DZIP1L: variants seen among roughly 807,000 people sequenced by gnomAD.
DZIP1L encodes cilium assembly protein DZIP1L.
A neutral mutation model predicts 88.7 loss-of-function variants in DZIP1L; 90 were observed. The ratio of observed to expected loss-of-function variants is 1.02; its 90% CI spans 0.86 to 1.21. The LOEUF (loss-of-function observed/expected upper bound fraction) is 1.21. DZIP1L is among the 50% of genes most tolerant of loss of function. The pLI, the probability that DZIP1L is intolerant of heterozygous loss-of-function variation, is 0.00. For missense variants in DZIP1L, 932 were observed against 955.8 expected, an observed-to-expected ratio of 0.98 and a Z score of 0.33; for synonymous variants, 363 against 372.1, an observed-to-expected ratio of 0.98 and a Z score of 0.28.
At position 138,064,508 on chromosome 3, in the gene DZIP1L, C is replaced by T. The variant is rs561974708; in HGVS notation, c.2142+120G>A. ...GGCAGAGGGAGGTCACCCACAATGT[C>T]CCACTAGGGCAAAGGATGACACTTG... On this transcript the variant is annotated intron_variant, in intron 15 of 15. Coordinates refer to ENST00000327532, the MANE Select transcript of DZIP1L (RefSeq NM_173543.3). 4.3e-6 allele frequency: 7 copies of T among 1,612,258 alleles called. No individual in the cohort carries two copies. In the East Asian group the frequency reaches 6.7e-5, roughly 15 times the overall value.
In DZIP1L at chr3:138,080,338, T is replaced by A. The variant is rs183036215; in HGVS notation, c.1288+229A>T. The A allele has an allele frequency of 4.2e-5, 18 of 424,282 alleles. No homozygotes were observed. The Admixed American group carries it at 5.2e-4, about 12-fold the overall frequency. The allele number at this position is 424,282 out of a possible 1,614,324, so 26.3% of individuals were successfully genotyped here. Reference sequence around the variant, plus strand: ...GTGACTCTGGACAAGCTAATGACCCTCTCTAGGCCTGGGCTTCCCCATCAC... The same window carrying A: ...GTGACTCTGGACAAGCTAATGACCCACTCTAGGCCTGGGCTTCCCCATCAC... On this transcript the variant is annotated intron_variant, in intron 10 of 15. Coordinates refer to ENST00000327532, the MANE Select transcript of DZIP1L (RefSeq NM_173543.3).
chr3:138,084,357 T>A, intron 7 of DZIP1L, 104 bp from the exon 8 acceptor site: 4 of 1,439,030 alleles, frequency 2.8e-6, no homozygotes, highest in Non-Finnish European at 3.7e-6. Context: ...GCAAGCACAG[T>A]AAAGGATTTT....
intron 12 of DZIP1L, among the ~76,000 whole-genome samples, chr3:138,069,490 C>G (rs995531769): frequency 6.6e-5 from 10 of 152,120 alleles, no homozygotes; most frequent in African/African-American, 1.9e-4. Flanking sequence ...CTATGCACTG[C>G]TCTCAGTGAA....
chr3:138,070,825 T>C (rs1267261725), intron 12 of DZIP1L, among the ~76,000 whole-genome samples: 1 of 152,162 alleles, frequency 6.6e-6, no homozygotes, highest in African/African-American at 2.4e-5. Context: ...GGACAGCACC[T>C]GCATGAGCAG....
Position 138,076,251 on chromosome 3 carries a change from ATCAAAAAT to A in DZIP1L, c.1422+1240_1422+1247del, listed in dbSNP as rs551305525. Among the ~76,000 whole-genome samples the A allele has an allele frequency of 1.6e-3, 238 of 152,314 alleles. 2 individuals carry two copies. The highest frequency in any genetic ancestry group is 2.8e-3 in the Admixed American group (43 of 15,304). On this transcript the variant is annotated intron_variant, in intron 11 of 15. Coordinates refer to ENST00000327532, the MANE Select transcript of DZIP1L (RefSeq NM_173543.3). ...CTACAAGAATGGCCATAATCAAAAAATCAAAAATTAATAGACGTTGACATGGATGTGGT... is the reference window on the plus strand; with the variant it reads ...CTACAAGAATGGCCATAATCAAAAAATAATAGACGTTGACATGGATGTGGT...
At chr3:138,109,159 C>T (rs1000266600) in intron 1 of DZIP1L, among the ~76,000 whole-genome samples, 15 of 152,356 alleles carry the variant, frequency 9.8e-5, no homozygotes, top group Admixed American at 5.9e-4. Flanking sequence ...AAAAGTACCT[C>T]TCTAGCTGCA....
chr3:138,073,773 G>A (rs1296582206), intron 11 of DZIP1L, among the ~76,000 whole-genome samples: 1 of 151,938 alleles, frequency 6.6e-6, no homozygotes, highest in Non-Finnish European at 1.5e-5. Flanking sequence ...ATCAAGGAGG[G>A]ACCAAAGAAA....
In DZIP1L at chr3:138,064,747, CCATCGACTG is replaced by C; in HGVS notation, c.2014_2022del (p.Gln672_Met674del). 6.3e-7 allele frequency: 1 copy of C among 1,592,330 alleles called. No individual in the cohort carries two copies. The highest frequency in any genetic ancestry group is 8.5e-7 in the Non-Finnish European group (1 of 1,171,196). On this transcript the variant is annotated inframe_deletion, in exon 15 of 16. Transcript: ENST00000327532. ...TCTAGCTGCTTCTCCAGGTTTTTGA[CCATCGACTG>C]CACCAGTGTTCCTGGAAGGTGAAAA... is the stretch of plus-strand genomic sequence containing the variant.
intron 1 of DZIP1L, among the ~76,000 whole-genome samples, chr3:138,105,704 T>C (rs932285005): frequency 3.9e-5 from 6 of 152,156 alleles, no homozygotes; most frequent in African/African-American, 1.4e-4. Context: ...TGGATGCAGA[T>C]CCACAGATAT....
Position 138,084,191 on chromosome 3 carries a change from G to A in DZIP1L, c.1125C>T (p.Ala375=). Residue 375 remains alanine (A), a synonymous_variant, in exon 8 of 16, where the codon GCC becomes GCT. Transcript: ENST00000327532. Reference sequence around the variant, plus strand: ...GGGTGCTGATCTGGCACTGGGACTGGGCAGCTGCCTTCTTCTGATCCTGAG... The same window carrying A: ...GGGTGCTGATCTGGCACTGGGACTGAGCAGCTGCCTTCTTCTGATCCTGAG... The part of the protein sequence containing the change: ...SLSQDQKKAA[A]QSQCQISTLR... 1 of 1,614,196 alleles carries A rather than the reference G, an allele frequency of 6.2e-7. No homozygotes were observed. Among genetic ancestry groups the A allele is most frequent in the Non-Finnish European group, 8.5e-7 (1 of 1,180,014 alleles).
At position 138,062,782 on chromosome 3, in the gene DZIP1L, GCTAACCCT is replaced by G; in HGVS notation, c.*26_*33del. 6.2e-7 allele frequency: 1 copy of G among 1,611,718 alleles called. No homozygotes were observed. Among genetic ancestry groups the G allele is most frequent in the Non-Finnish European group, 8.5e-7 (1 of 1,179,102 alleles). ...GTGGACCTGAGCTGGCCCCAGCCAG[GCTAACCCT>G]CTAGCCAGCTAGCTTCTGGGGTGAA... On this transcript the variant is annotated 3_prime_UTR_variant, in exon 16 of 16. Coordinates refer to ENST00000327532, the MANE Select transcript of DZIP1L (RefSeq NM_173543.3).
At chr3:138,081,900 G>T (rs1407952624) in intron 8 of DZIP1L, 136 bp from the exon 9 acceptor site, 3 of 772,254 alleles carry the variant, frequency 3.9e-6, no homozygotes, top group Non-Finnish European at 5.9e-6. Context: ...ACTGGAAGGA[G>T]CTCAGATGCA....
chr3:138,062,127 C>T lies in DZIP1L; in HGVS notation c.*689G>A, dbSNP rs1942738429. 6.6e-6 allele frequency: 1 copy of T among 152,546 alleles called. No homozygotes were observed. The highest frequency in any genetic ancestry group is 1.5e-5 in the Non-Finnish European group (1 of 68,040). The allele number at this position is 152,546 out of a possible 1,614,324, so 9.4% of individuals were successfully genotyped here. A position where few individuals can be genotyped will look rare whatever the true frequency, so the allele number is the denominator to read the frequency against. On this transcript the variant is annotated 3_prime_UTR_variant, in exon 16 of 16. Transcript: ENST00000327532. ...TTACACGTGTGGTCCTTTGGGGATA[C>T]AAGGTCCAGCCAAGTGGCCATCCTC... is the stretch of plus-strand genomic sequence containing the variant.
chr3:138,072,998 A>G (rs1016152335), intron 11 of DZIP1L, among the ~76,000 whole-genome samples: 6 of 152,100 alleles, frequency 3.9e-5, no homozygotes, highest in African/African-American at 1.4e-4. Context: ...CTCATCCCCA[A>G]CAGTAGCTGC....
intron 14 of DZIP1L, among the ~76,000 whole-genome samples, chr3:138,066,750 C>T (rs763374840): frequency 1.3e-5 from 2 of 152,034 alleles, no homozygotes; most frequent in Non-Finnish European, 2.9e-5. Flanking sequence ...GGAACTTCTG[C>T]TCTACTCACC....
At chr3:138,067,995 C>T (rs1475816097) in intron 13 of DZIP1L, among the ~76,000 whole-genome samples, 156 bp downstream of exon 13, 1 of 152,138 alleles carries the variant, frequency 6.6e-6, no homozygotes, top group Non-Finnish European at 1.5e-5. Flanking sequence ...GTTCTCAAGT[C>T]CAGAGCTCAG....
chr3:138,072,064 G>A (rs1943206927), intron 11 of DZIP1L, among the ~76,000 whole-genome samples: 1 of 152,180 alleles, frequency 6.6e-6, no homozygotes, highest in African/African-American at 2.4e-5. Flanking sequence ...AATGTGCACA[G>A]CAGGATAATG....
chr3:138,070,798 A>T (rs1294248081), intron 12 of DZIP1L, among the ~76,000 whole-genome samples: 1 of 152,116 alleles, frequency 6.6e-6, no homozygotes, highest in Non-Finnish European at 1.5e-5. Context: ...GACTGAGGAG[A>T]CGAAGTAAAA....
chr3:138,108,921 G>A (rs1040954346), intron 1 of DZIP1L, among the ~76,000 whole-genome samples: 1 of 152,182 alleles, frequency 6.6e-6, no homozygotes, highest in African/African-American at 2.4e-5. Flanking sequence ...CATCACCTGG[G>A]AATTTGTTAG....
Sources: allele counts gnomAD v4.1 joint callset (sites outside exome capture counted in the v4.1 genomes callset), GRCh38; gene constraint gnomAD v4.1.1; transcripts MANE v1.5; gene names NCBI Gene and HGNC (gene_info 2026-07-23, HGNC 2026-07-21).